Variants in COL19A1 observed in about 807,000 individuals in gnomAD.
The protein encoded by COL19A1 is collagen alpha-1(XIX) chain.
Under a neutral mutation model 190.2 loss-of-function variants are expected in COL19A1, and 159 were observed. The ratio of observed to expected loss-of-function variants is 0.84; its 90% confidence interval spans 0.73 to 0.95. The LOEUF (loss-of-function observed/expected upper bound fraction) is 0.95. Among genes scored for constraint, COL19A1 ranks in the 40% least tolerant of loss-of-function variants. COL19A1 has a pLI of 0.00. For missense variants in COL19A1, 1,418 were observed against 1,431.9 expected (o/e 0.99, Z 0.16); for synonymous variants, 509 against 458.9 (o/e 1.11, Z -1.39).
chr6:70,001,709 A>T (rs1444473268), intron 11 of COL19A1, among the ~76,000 whole-genome samples: 4 of 152,156 alleles, frequency 2.6e-5, no homozygotes, highest in African/African-American at 9.7e-5. Context: ...ATTTTTGCAC[A>T]TTGATTTTGT....
At chr6:69,895,745 C>T (rs1769686608) in intron 2 of COL19A1, among the ~76,000 whole-genome samples, 1 of 152,132 alleles carries the variant, frequency 6.6e-6, no homozygotes, top group Admixed American at 6.6e-5. Context: ...GGGTGAATGA[C>T]TTTTTTCTAT....
chr6:70,036,595 A>G (rs192156992), intron 14 of COL19A1, among the ~76,000 whole-genome samples: 2 of 152,234 alleles, frequency 1.3e-5, no homozygotes, highest in East Asian at 3.9e-4. Context: ...GACTTTTTTC[A>G]TAGGTGATTA....
Position 69,997,798 on chromosome 6 carries a change from A to G in COL19A1, c.1027-25829A>G, listed in dbSNP as rs552125956. ...GTAATGGGAATCCCAGGAGAAAGGA[A>G]GAGAGAGATAAATAAGAGAGAAGCA... On this transcript the variant is annotated intron_variant, in intron 11 of 50. Coordinates refer to ENST00000620364, the MANE Select transcript of COL19A1 (RefSeq NM_001858.6). Among the ~76,000 whole-genome samples, 12 of 152,270 alleles carry G rather than the reference A, an allele frequency of 7.9e-5. No homozygotes were observed. In the East Asian group the frequency reaches 2.3e-3, roughly 29 times the overall value.
intron 15 of COL19A1, among the ~76,000 whole-genome samples, chr6:70,086,765 T>C (rs1315497025): frequency 3.3e-5 from 5 of 152,164 alleles, no homozygotes; most frequent in Admixed American, 6.6e-5. Flanking sequence ...TAGTAATGAA[T>C]GCGATCACAC....
At chr6:69,925,745 A>G (rs1315640965) in intron 4 of COL19A1, among the ~76,000 whole-genome samples, 1 of 151,896 alleles carries the variant, frequency 6.6e-6, no homozygotes, top group African/African-American at 2.4e-5. Flanking sequence ...ATTTGTTTGT[A>G]TCCTCTTTTA....
At chr6:70,079,266 A>C (rs1390836044) in intron 15 of COL19A1, among the ~76,000 whole-genome samples, 1 of 152,204 alleles carries the variant, frequency 6.6e-6, no homozygotes, top group Non-Finnish European at 1.5e-5. Flanking sequence ...AAAACACTTG[A>C]AGAAAACATT....
intron 4 of COL19A1, among the ~76,000 whole-genome samples, chr6:69,919,934 T>C (rs1771582800): frequency 1.3e-5 from 2 of 152,120 alleles, no homozygotes; most frequent in Non-Finnish European, 2.9e-5. Flanking sequence ...AGTGCCCTTT[T>C]AGGTGTGTGA....
At chr6:69,945,033 C>T (rs1773710011) in intron 9 of COL19A1, among the ~76,000 whole-genome samples, 1 of 151,740 alleles carries the variant, frequency 6.6e-6, no homozygotes. Flanking sequence ...TCTTTAAGAC[C>T]CTTGTTAATA....
intron 11 of COL19A1, among the ~76,000 whole-genome samples, chr6:69,972,014 TCTCA>T (rs1775456577): frequency 6.6e-6 from 1 of 152,174 alleles, no homozygotes; most frequent in Non-Finnish European, 1.5e-5. Flanking sequence ...TAGATGTGCT[TCTCA>T]GAACTCATCT....
chr6:70,156,336 T>C lies in COL19A1; in HGVS notation c.2205T>C (p.Gly735=), dbSNP rs1414114095. The change falls in exon 33 of 51, where the codon GGT becomes GGC. Residue 735 remains glycine, a synonymous_variant. Transcript: ENST00000620364. ...MARKGDIGPR[G]PPGIPGREGP... is the part of the protein sequence containing the mutation. ...TCTAGGGTGATATAGGGCCACGGGG[T>C]CCTCCAGGAATCCCAGGAAGAGAGG... The C allele has an allele frequency of 3.7e-6, 6 of 1,613,140 alleles. No individual in the cohort carries two copies. Among genetic ancestry groups the C allele is most frequent in the Non-Finnish European group, 5.1e-6 (6 of 1,179,556 alleles).
chr6:70,019,236 G>T (rs1454882264), intron 11 of COL19A1, among the ~76,000 whole-genome samples: 1 of 152,096 alleles, frequency 6.6e-6, no homozygotes, highest in Non-Finnish European at 1.5e-5. Context: ...ATCTGTAAAT[G>T]GGGATGAGAT....
chr6:70,055,721 G>A lies in COL19A1; in HGVS notation c.1171-12702G>A, dbSNP rs550436082. 5.4e-5 allele frequency among the ~76,000 whole-genome samples: 8 copies of A among 146,948 alleles called. No individual in the cohort carries two copies. The South Asian group carries it at 1.7e-3, about 31-fold the overall frequency. Reference sequence around the variant, plus strand: ...CACTTGAACTTGGGAGGCAGAAGTTGCACTGAGCCAAGATCGTGCCACTGC... The same window carrying A: ...CACTTGAACTTGGGAGGCAGAAGTTACACTGAGCCAAGATCGTGCCACTGC... On this transcript the variant is annotated intron_variant, in intron 14 of 50. Transcript: ENST00000620364.
intron 14 of COL19A1, among the ~76,000 whole-genome samples, chr6:70,049,823 A>G (rs184095371): frequency 2.0e-5 from 3 of 152,280 alleles, no homozygotes; most frequent in East Asian, 1.9e-4. Flanking sequence ...AATTATATGC[A>G]GCAAAGCACG....
rs1778568474 is a variant in COL19A1 at position 70,023,637 on chromosome 6, G to C, written c.1037G>C (p.Gly346Ala). 6.2e-7 allele frequency: 1 copy of C among 1,609,024 alleles called. No individual in the cohort carries two copies. The highest frequency in any genetic ancestry group is 1.7e-5 in the Admixed American group (1 of 58,748). Reference sequence around the variant, plus strand: ...ATTGTTTCTTTTTAGGGTGAACAAGGAGAAAAAGGAGATCCAGCTCTGGCT... The same window carrying C: ...ATTGTTTCTTTTTAGGGTGAACAAGCAGAAAAAGGAGATCCAGCTCTGGCT... The part of the protein sequence containing the change: ...KGETGEKGEQ[G>A]EKGDPALAGL... The change falls in exon 12 of 51, where the codon GGA (glycine) becomes GCA (alanine). Residue 346 changes from glycine (G) to alanine (A), a missense_variant. Coordinates refer to ENST00000620364, the MANE Select transcript of COL19A1 (RefSeq NM_001858.6).
At chr6:70,066,840 C>T (rs778570770) in intron 14 of COL19A1, among the ~76,000 whole-genome samples, 7 of 151,944 alleles carry the variant, frequency 4.6e-5, no homozygotes, top group Non-Finnish European at 8.8e-5. Context: ...TTTGTATTAT[C>T]AGATTTTTCA....
intron 4 of COL19A1, among the ~76,000 whole-genome samples, chr6:69,911,115 CCTT>C (rs1352681161): frequency 7.2e-5 from 11 of 152,266 alleles, no homozygotes; most frequent in African/African-American, 2.2e-4. Flanking sequence ...GTCTAATCCT[CCTT>C]CTCAGACACA....
rs11302917 is a variant in COL19A1, at chr6:70,152,019, CTTT to C, written c.2079+591_2079+593del. On this transcript the variant is annotated intron_variant, in intron 31 of 50. Transcript: ENST00000620364. ...TCTCAGGGAATTAATCTTGCTACCT[CTTT>C]TTTTTTTTTATCTCTAACACTTCCC... Among the ~76,000 whole-genome samples, 17 of 148,122 alleles carry C rather than the reference CTTT, an allele frequency of 1.1e-4. 1 individual carries two copies. In the South Asian group the frequency reaches 3.4e-3, roughly 30 times the overall value.
Position 70,130,477 on chromosome 6 carries a change from C to T in COL19A1, c.1383+254C>T, listed in dbSNP as rs535961391. ...CTGACCTCAGGTGATCCACCTGCCT[C>T]AGCCTCCCAAAGTTATGGGATTACA... On this transcript the variant is annotated intron_variant, in intron 18 of 50. Coordinates refer to ENST00000620364, the MANE Select transcript of COL19A1 (RefSeq NM_001858.6). 2.8e-4 allele frequency among the ~76,000 whole-genome samples: 43 copies of T among 152,374 alleles called. No homozygotes were observed. In the Middle Eastern group the frequency reaches 0.014, roughly 48 times the overall value.
At position 70,004,919 on chromosome 6, in the gene COL19A1, G is replaced by T. The variant is rs565120672; in HGVS notation, c.1027-18708G>T. 2.7e-3 allele frequency among the ~76,000 whole-genome samples: 408 copies of T among 150,542 alleles called. 3 individuals carry two copies. The highest frequency in any genetic ancestry group is 9.3e-3 in the African/African-American group (380 of 40,792). ...TCGATCTCGGCTCACTGTAAGCTCT[G>T]CCCCCCGGGTTCATGCCATTCTCCT... On this transcript the variant is annotated intron_variant, in intron 11 of 50. Coordinates refer to ENST00000620364, the MANE Select transcript of COL19A1 (RefSeq NM_001858.6).
Sources: gnomAD v4.1 joint callset for allele counts (sites outside exome capture counted in the v4.1 genomes callset) on GRCh38, gnomAD v4.1.1 for gene constraint, MANE v1.5 for transcripts, NCBI Gene and HGNC (gene_info 2026-07-23, HGNC 2026-07-21) for gene names.